The following NAA15 variants were observed in gnomAD, a reference collection of about 807,000 sequenced individuals.
NAA15 encodes the protein N-alpha-acetyltransferase 15, NatA auxiliary subunit, also known as N-terminal acetyltransferase.
In NAA15, 34 loss-of-function variants were observed where a neutral mutation model predicts 114.0. The ratio of observed to expected loss-of-function variants is 0.30; its 90% CI spans 0.23 to 0.40. The LOEUF is 0.40. Among genes scored for constraint, NAA15 ranks in the 10% least tolerant of loss-of-function variants. NAA15 has a pLI of 1.00. For synonymous variants in NAA15, 340 were observed against 338.0 expected (o/e 1.01, Z -0.06); for missense variants, 658 against 1,004.5 (o/e 0.66, Z 4.66).
At chr4:139,353,664 A>G (rs1261798047) in intron 9 of NAA15, among the ~76,000 whole-genome samples, 1 of 152,186 alleles carries the variant, frequency 6.6e-6, no homozygotes, top group Non-Finnish European at 1.5e-5. Flanking sequence ...CTCTTTTCAC[A>G]TAGCATTTAA....
chr4:139,362,055 C>A, intron 14 of NAA15, 118 bp downstream of exon 14: 1 of 582,808 alleles, frequency 1.7e-6, no homozygotes, highest in Non-Finnish European at 2.8e-6. Context: ...AGATATTATA[C>A]AAGGTTCTCT....
intron 1 of NAA15, among the ~76,000 whole-genome samples, chr4:139,328,601 C>T (rs1222341955): frequency 1.4e-5 from 2 of 143,856 alleles, no homozygotes; most frequent in East Asian, 2.0e-4. Context: ...TGGAGTCTCA[C>T]TCTGTCGCCA....
chr4:139,312,598 G>A (rs898459886), intron 1 of NAA15, among the ~76,000 whole-genome samples: 19 of 151,714 alleles, frequency 1.3e-4, no homozygotes, highest in African/African-American at 4.4e-4. Flanking sequence ...TAATCCCATC[G>A]CTTTGGGAGG....
At chr4:139,306,015 T>TA (rs1745998921) in intron 1 of NAA15, among the ~76,000 whole-genome samples, 1 of 152,210 alleles carries the variant, frequency 6.6e-6, no homozygotes, top group Non-Finnish European at 1.5e-5. Context: ...TTGCAAAAAT[T>TA]TTAGAGTTTC....
rs1445421611 is a variant in NAA15 at position 139,360,620 on chromosome 4, A to T, written c.1531A>T (p.Ile511Phe). Residue 511 changes from isoleucine to phenylalanine, a missense_variant, in exon 13 of 20, where the codon ATT becomes TTT. By Grantham distance (21) the Ile-to-Phe change is conservative. This residue lies in a region of NAA15 where 281 missense variants were observed against 389.1 expected (regional missense o/e 0.72). Coordinates refer to ENST00000296543, the MANE Select transcript of NAA15 (RefSeq NM_057175.5). ...TGAAGCACTTAAGAAATGTCATGAG[A>T]TTGAGAGAGTAAGTACCTTCTACAT... ...FGEALKKCHE[I>F]ERHFIEITDD... 6.2e-7 allele frequency: 1 copy of T among 1,604,806 alleles called. No individual in the cohort carries two copies. Among genetic ancestry groups the T allele is most frequent in the East Asian group, 2.3e-5 (1 of 44,302 alleles).
intron 1 of NAA15, among the ~76,000 whole-genome samples, chr4:139,309,193 C>T (rs1429114396): frequency 2.0e-5 from 3 of 151,074 alleles, no homozygotes; most frequent in Non-Finnish European, 4.4e-5. Flanking sequence ...ACTAAAAATA[C>T]GAAACTTAGC....
chr4:139,356,211 A>C (rs1747943514), intron 10 of NAA15, among the ~76,000 whole-genome samples: 1 of 152,184 alleles, frequency 6.6e-6, no homozygotes, highest in African/African-American at 2.4e-5. Flanking sequence ...CCACATTACA[A>C]ATCTCAAATG....
In NAA15 at chr4:139,391,259, C is replaced by T. The variant is rs1749050572; in HGVS notation, c.*3175C>T. The T allele has an allele frequency of 6.6e-6, 1 of 152,150 alleles. No individual in the cohort carries two copies. The highest frequency in any genetic ancestry group is 2.4e-5 in the African/African-American group (1 of 41,426). The allele number at this position is 152,150 out of a possible 1,614,324, so 9.4% of individuals were successfully genotyped here. A position where few individuals can be genotyped will look rare whatever the true frequency, so the allele number is the denominator to read the frequency against. On this transcript the variant is annotated 3_prime_UTR_variant, in exon 20 of 20. Transcript: ENST00000296543. ...AACTTTGCTGAACTCTACTGCCAACCTACATTAAAAACAAAGTCCCACGAA... is the reference window on the plus strand; with the variant it reads ...AACTTTGCTGAACTCTACTGCCAACTTACATTAAAAACAAAGTCCCACGAA...
Position 139,351,351 on chromosome 4 carries a change from TTAAGTA to T in NAA15, c.907+67_907+72del, listed in dbSNP as rs2110934618. 5 of 1,257,698 alleles carry T rather than the reference TTAAGTA, an allele frequency of 4.0e-6. No individual in the cohort carries two copies. In the East Asian group the frequency reaches 7.0e-5, roughly 18 times the overall value. The allele number at this position is 1,257,698 out of a possible 1,614,324, so 77.9% of individuals were successfully genotyped here. A position where few individuals can be genotyped will look rare whatever the true frequency, so the allele number is the denominator to read the frequency against. ...TGATTTAAAGTTTCTTTTCTTGGTT[TTAAGTA>T]TGAGTATGCATATTAAGTTTAAGCT... On this transcript the variant is annotated intron_variant, in intron 8 of 19. Coordinates refer to ENST00000296543, the MANE Select transcript of NAA15 (RefSeq NM_057175.5).
In NAA15 at chr4:139,376,112, C is replaced by A. The variant is rs572164033; in HGVS notation, c.1948-253C>A. 9.6e-4 allele frequency among the ~76,000 whole-genome samples: 146 copies of A among 152,176 alleles called. 2 individuals carry two copies. The South Asian group carries it at 0.03, about 31-fold the overall frequency. Reference sequence around the variant, plus strand: ...TCTTTCTGTCTTTCTTTCTCTGGTTCTGTTTTATCTACTTCCTTCTTTTTG... The same window carrying A: ...TCTTTCTGTCTTTCTTTCTCTGGTTATGTTTTATCTACTTCCTTCTTTTTG... On this transcript the variant is annotated intron_variant, in intron 15 of 19. Coordinates refer to ENST00000296543, the MANE Select transcript of NAA15 (RefSeq NM_057175.5).
intron 1 of NAA15, among the ~76,000 whole-genome samples, chr4:139,331,711 C>T (rs1408115876): frequency 6.6e-6 from 1 of 150,378 alleles, no homozygotes; most frequent in Non-Finnish European, 1.5e-5. Flanking sequence ...GTGATCCGCT[C>T]ACCTCAGCCT....
chr4:139,371,301 A>T (rs1411874080), intron 15 of NAA15, among the ~76,000 whole-genome samples: 1 of 152,024 alleles, frequency 6.6e-6, no homozygotes, highest in Non-Finnish European at 1.5e-5. Context: ...AGACATAGTG[A>T]TATTGCTATG....
At chr4:139,312,625 C>G (rs1746259000) in intron 1 of NAA15, among the ~76,000 whole-genome samples, 1 of 151,786 alleles carries the variant, frequency 6.6e-6, no homozygotes, top group Admixed American at 6.6e-5. Flanking sequence ...TGGAAAATCT[C>G]TTGAAGTCGG....
At chr4:139,376,541 C>A in intron 16 of NAA15, 68 bp downstream of exon 16, 4 of 917,150 alleles carry the variant, frequency 4.4e-6, no homozygotes, top group Middle Eastern at 2.1e-4. Context: ...AGTCACCCAA[C>A]TCTGATAGCC....
chr4:139,324,803 G>T (rs755116120), intron 1 of NAA15, among the ~76,000 whole-genome samples: 13 of 152,064 alleles, frequency 8.5e-5, no homozygotes, highest in African/African-American at 1.4e-4. Flanking sequence ...TGTAATAAGT[G>T]ACCTATTATA....
intron 2 of NAA15, among the ~76,000 whole-genome samples, chr4:139,335,018 G>T (rs1407403052): frequency 6.6e-6 from 1 of 152,022 alleles, no homozygotes; most frequent in Non-Finnish European, 1.5e-5. Flanking sequence ...GGAGATAAAA[G>T]TATTTAAATT....
chr4:139,318,378 G>A (rs1746483066), intron 1 of NAA15: 1 of 151,928 alleles, frequency 6.6e-6, no homozygotes, highest in Non-Finnish European at 1.5e-5. Flanking sequence ...TAAATATACG[G>A]TGCTTCTTTG....
intron 1 of NAA15, among the ~76,000 whole-genome samples, chr4:139,330,576 T>C (rs1362407947): frequency 1.3e-5 from 2 of 152,178 alleles, no homozygotes; most frequent in Non-Finnish European, 2.9e-5. Context: ...CCAAAGATGA[T>C]TGGTTTTTTT....
At position 139,342,816 on chromosome 4, in the gene NAA15, C is replaced by T; in HGVS notation, c.403-10C>T. 2 of 1,594,052 alleles carry T rather than the reference C, an allele frequency of 1.3e-6. No individual in the cohort carries two copies. The highest frequency in any genetic ancestry group is 1.4e-5 in the African/African-American group (1 of 73,418). ...CCTAAGAAAAAGTGTTTATTTTTTT[C>T]CTTTTAAAGGAAACGAGGTATCAGT... On this transcript the variant is annotated splice_polypyrimidine_tract_variant and intron_variant, in intron 4 of 19. Coordinates refer to ENST00000296543, the MANE Select transcript of NAA15 (RefSeq NM_057175.5).
Sources: allele counts gnomAD v4.1 joint callset (sites outside exome capture counted in the v4.1 genomes callset), GRCh38; gene constraint gnomAD v4.1.1; regional missense constraint gnomAD v4.1.1; transcripts MANE v1.5; gene names NCBI Gene and HGNC (gene_info 2026-07-23, HGNC 2026-07-21).